SPOCK1: variants seen among roughly 807,000 people sequenced by gnomAD.
The protein encoded by SPOCK1 is SPARC (osteonectin), cwcv and kazal like domains proteoglycan 1, also known as testican-1.
In SPOCK1, 23 loss-of-function variants were observed where a neutral mutation model predicts 55.3. The observed-to-expected ratio is 0.42, with a 90% confidence interval of 0.30 to 0.59. The LOEUF is 0.59. Ranked by LOEUF, SPOCK1 falls within the 20% of genes least tolerant of loss-of-function variation. The pLI, the probability that SPOCK1 is intolerant of heterozygous loss-of-function variation, is 0.22. For missense variants in SPOCK1, 499 were observed against 552.5 expected (o/e 0.90, Z 0.97); for synonymous variants, 226 against 221.0 (o/e 1.02, Z -0.20).
At chr5:137,131,971 CAAAAAA>C (rs1156253291) in intron 4 of SPOCK1, among the ~76,000 whole-genome samples, 1 of 12,728 alleles carries the variant, frequency 7.9e-5, no homozygotes, top group Non-Finnish European at 1.2e-4. Context: ...GACTCCGTCT[CAAAAAA>C]AAAAAAAAAA....
chr5:137,016,254 T>C (rs546644591), intron 6 of SPOCK1, among the ~76,000 whole-genome samples: 78 of 152,322 alleles, frequency 5.1e-4, no homozygotes, highest in African/African-American at 1.8e-3. Context: ...ATTTCACTCA[T>C]GTGAATACTG....
intron 9 of SPOCK1, among the ~76,000 whole-genome samples, chr5:136,984,913 G>C (rs111384618): frequency 1.4e-4 from 22 of 152,280 alleles, no homozygotes; most frequent in African/African-American, 4.8e-4. Context: ...GCTGGACTTC[G>C]GCCCTGGCTG....
At chr5:137,331,943 G>A (rs1478655678) in intron 2 of SPOCK1, among the ~76,000 whole-genome samples, 2 of 152,130 alleles carry the variant, frequency 1.3e-5, no homozygotes, top group African/African-American at 4.8e-5. Flanking sequence ...CATCTGACTT[G>A]TTGAAATAGA....
chr5:137,282,520 T>C (rs948188255), intron 2 of SPOCK1, among the ~76,000 whole-genome samples: 2 of 152,194 alleles, frequency 1.3e-5, no homozygotes, highest in African/African-American at 4.8e-5. Flanking sequence ...GGGCCCACAC[T>C]CCTGCTATCA....
At chr5:137,283,372 C>A (rs1176936967) in intron 2 of SPOCK1, among the ~76,000 whole-genome samples, 2 of 152,164 alleles carry the variant, frequency 1.3e-5, no homozygotes, top group Non-Finnish European at 2.9e-5. Flanking sequence ...GAATTTATGG[C>A]ATGCCTGTCG....
intron 5 of SPOCK1, among the ~76,000 whole-genome samples, chr5:137,091,283 A>G (rs1753050112): frequency 6.6e-6 from 1 of 152,220 alleles, no homozygotes; most frequent in Admixed American, 6.5e-5. Flanking sequence ...TAAGCACAGT[A>G]GTAGGTGCTG....
chr5:137,028,245 CA>C (rs1459594019), intron 6 of SPOCK1, among the ~76,000 whole-genome samples: 2 of 152,136 alleles, frequency 1.3e-5, no homozygotes, highest in African/African-American at 4.8e-5. Flanking sequence ...TCTCTGGCCA[CA>C]TGAAACAGAG....
chr5:137,129,155 T>C (rs1456414592), intron 4 of SPOCK1, among the ~76,000 whole-genome samples: 1 of 152,248 alleles, frequency 6.6e-6, no homozygotes, highest in Non-Finnish European at 1.5e-5. Flanking sequence ...CCTGCCTTTC[T>C]TTCCAGCCTC....
chr5:137,257,436 GCT>G lies in SPOCK1; in HGVS notation c.232+9572_232+9573del, dbSNP rs567416295. Among the ~76,000 whole-genome samples, 646 of 152,246 alleles carry G rather than the reference GCT, an allele frequency of 4.2e-3. 3 individuals are homozygous for G. The highest frequency in any genetic ancestry group is 6.6e-3 in the Non-Finnish European group (449 of 68,020). Reference sequence around the variant, plus strand: ...CAAAGGAACCTCAGAGAGTTCTCGAGCTCTCTTTCCCCCAACATGAGGACACA... The same window carrying G: ...CAAAGGAACCTCAGAGAGTTCTCGAGCTCTTTCCCCCAACATGAGGACACA... On this transcript the variant is annotated intron_variant, in intron 3 of 10. Transcript: ENST00000394945.
chr5:137,285,701 G>A (rs547382414), intron 2 of SPOCK1, among the ~76,000 whole-genome samples: 5 of 152,232 alleles, frequency 3.3e-5, no homozygotes, highest in South Asian at 4.2e-4. Flanking sequence ...GAATAGATCC[G>A]CATTTCAGCC....
intron 2 of SPOCK1, among the ~76,000 whole-genome samples, chr5:137,331,510 T>TA (rs1370283070): frequency 1.3e-5 from 2 of 152,202 alleles, no homozygotes; most frequent in African/African-American, 4.8e-5. Flanking sequence ...AAAAGAAGTT[T>TA]AATTGGCTCG....
At chr5:137,016,117 C>T (rs563847726) in intron 6 of SPOCK1, among the ~76,000 whole-genome samples, 18 of 152,266 alleles carry the variant, frequency 1.2e-4, no homozygotes, top group African/African-American at 4.3e-4. Context: ...CAATACCCCA[C>T]TGGAAAAAAG....
chr5:137,427,928 G>C (rs1249977300), intron 2 of SPOCK1, among the ~76,000 whole-genome samples: 3 of 131,980 alleles, frequency 2.3e-5, no homozygotes, highest in Admixed American at 1.6e-4. Context: ...AAAAAAAAAA[G>C]GCAGAAACTT....
intron 2 of SPOCK1, among the ~76,000 whole-genome samples, chr5:137,416,945 G>A (rs1374705033): frequency 6.6e-6 from 1 of 151,978 alleles, no homozygotes; most frequent in Non-Finnish European, 1.5e-5. Context: ...TGATTATTTT[G>A]AATATTTTGT....
intron 3 of SPOCK1, among the ~76,000 whole-genome samples, chr5:137,256,937 C>A (rs1756646358): frequency 6.6e-6 from 1 of 152,206 alleles, no homozygotes; most frequent in South Asian, 2.1e-4. Context: ...AAGTTTCACA[C>A]ACAAAAACAA....
At chr5:137,116,117 G>A (rs148716078) in intron 4 of SPOCK1, among the ~76,000 whole-genome samples, 7 of 152,266 alleles carry the variant, frequency 4.6e-5, no homozygotes, top group African/African-American at 1.7e-4. Context: ...CCAAGGGGCA[G>A]CCACATCTCC....
At chr5:137,059,513 A>G (rs950500713) in intron 6 of SPOCK1, among the ~76,000 whole-genome samples, 1 of 152,238 alleles carries the variant, frequency 6.6e-6, no homozygotes, top group Non-Finnish European at 1.5e-5. Flanking sequence ...AAAACCTAGG[A>G]AATGCCATTC....
intron 3 of SPOCK1, among the ~76,000 whole-genome samples, chr5:137,265,471 GCA>G (rs1471123657): frequency 6.6e-6 from 1 of 152,160 alleles, no homozygotes; most frequent in Non-Finnish European, 1.5e-5. Context: ...TGTTTATCAG[GCA>G]CAGACAGGGA....
At chr5:137,231,295 C>T (rs1467448428) in intron 3 of SPOCK1, among the ~76,000 whole-genome samples, 6 of 152,166 alleles carry the variant, frequency 3.9e-5, no homozygotes, top group African/African-American at 9.7e-5. Context: ...TGGAGACCCA[C>T]TTCAGCCTCC....
Sources: gnomAD v4.1 joint callset for allele counts (sites outside exome capture counted in the v4.1 genomes callset) on GRCh38, gnomAD v4.1.1 for gene constraint, MANE v1.5 for transcripts, NCBI Gene and HGNC (gene_info 2026-07-23, HGNC 2026-07-21) for gene names.